Variants in ADAMTS17 observed in about 807,000 individuals in gnomAD.
The protein encoded by ADAMTS17 is ADAM metallopeptidase with thrombospondin type 1 motif 17, also known as A disintegrin and metalloproteinase with thrombospondin motifs 17.
Under a neutral mutation model 141.5 loss-of-function variants are expected in ADAMTS17, and 113 were observed. The ratio of observed to expected loss-of-function variants is 0.80; its 90% CI spans 0.69 to 0.93. The LOEUF is 0.93. ADAMTS17 is among the 40% of genes least tolerant of loss of function. The pLI is 0.00. For missense variants in ADAMTS17, 1,659 were observed against 1,517.9 expected (o/e 1.09, Z -1.54); for synonymous variants, 768 against 630.6 (o/e 1.22, Z -3.27).
intron 4 of ADAMTS17, among the ~76,000 whole-genome samples, chr15:100,270,316 C>A (rs537745106): frequency 6.6e-6 from 1 of 152,194 alleles, no homozygotes; most frequent in Non-Finnish European, 1.5e-5. Flanking sequence ...CTTGTACCAC[C>A]CTCGGTAAAA....
chr15:100,125,732 G>C (rs116156911), intron 12 of ADAMTS17, among the ~76,000 whole-genome samples: 1,689 of 152,236 alleles, frequency 0.011, 33 homozygotes, highest in African/African-American at 0.039. Flanking sequence ...AGGAAAGGAC[G>C]GGCCTAGGGA....
chr15:100,112,759 G>T (rs967400739), intron 13 of ADAMTS17, among the ~76,000 whole-genome samples: 1 of 152,192 alleles, frequency 6.6e-6, no homozygotes, highest in African/African-American at 2.4e-5. Context: ...AAAGCCTGGG[G>T]CCGGTCTGGC....
chr15:100,306,131 C>T (rs2045216325), intron 3 of ADAMTS17: 2 of 243,922 alleles, frequency 8.2e-6, no homozygotes, highest in East Asian at 9.9e-5. Context: ...GATCCCTCTG[C>T]ACAGTAGCCC....
chr15:100,090,763 T>TAA (rs2035407354), intron 15 of ADAMTS17, among the ~76,000 whole-genome samples: 1 of 152,004 alleles, frequency 6.6e-6, no homozygotes, highest in Non-Finnish European at 1.5e-5. Flanking sequence ...ATTCCAGCAC[T>TAA]TTGGGAGGCT....
chr15:100,007,591 T>C (rs879350418), intron 18 of ADAMTS17, among the ~76,000 whole-genome samples: 2 of 151,892 alleles, frequency 1.3e-5, no homozygotes, highest in South Asian at 4.2e-4. Flanking sequence ...GTCTTTGGTA[T>C]GTGGGGTCAA....
intron 12 of ADAMTS17, among the ~76,000 whole-genome samples, chr15:100,118,753 TG>T (rs1204179441): frequency 6.6e-6 from 1 of 152,080 alleles, no homozygotes; most frequent in East Asian, 1.9e-4. Flanking sequence ...AAAAGCCACA[TG>T]GATCAGTAGG....
At chr15:100,093,573 C>A (rs2035592339) in intron 15 of ADAMTS17, among the ~76,000 whole-genome samples, 1 of 152,122 alleles carries the variant, frequency 6.6e-6, no homozygotes, top group African/African-American at 2.4e-5. Context: ...CATGCTGGGT[C>A]TCGCAAGGAT....
At position 100,148,554 on chromosome 15, in the gene ADAMTS17, G is replaced by C. The variant is rs549077908; in HGVS notation, c.1473+4058C>G. Among the ~76,000 whole-genome samples the C allele has an allele frequency of 2.0e-5, 3 of 151,166 alleles. No homozygotes were observed. The South Asian group carries it at 6.3e-4, about 32-fold the overall frequency. On this transcript the variant is annotated intron_variant, in intron 10 of 21. Coordinates refer to ENST00000268070, the MANE Select transcript of ADAMTS17 (RefSeq NM_139057.4). ...TTTTAGTACTTTACAATGTTTCTCT[G>C]TTGTCCTTTCACTTACACTGCTTCT...
intron 12 of ADAMTS17, among the ~76,000 whole-genome samples, chr15:100,127,027 C>G (rs2037771948): frequency 1.3e-5 from 2 of 152,164 alleles, no homozygotes; most frequent in Admixed American, 1.3e-4. Context: ...GACATTTACA[C>G]TAACACCCAA....
chr15:100,161,087 G>A (rs949756096), intron 8 of ADAMTS17, among the ~76,000 whole-genome samples: 4 of 152,148 alleles, frequency 2.6e-5, no homozygotes, highest in Admixed American at 1.3e-4. Flanking sequence ...TGTGTCTCAC[G>A]TGGCCCAGCT....
intron 15 of ADAMTS17, among the ~76,000 whole-genome samples, chr15:100,079,480 T>C (rs1013393565): frequency 2.0e-5 from 3 of 152,196 alleles, no homozygotes; most frequent in African/African-American, 7.2e-5. Flanking sequence ...TTACATGAAA[T>C]GTCCAGATAG....
chr15:100,297,144 G>A (rs899117652), intron 3 of ADAMTS17, among the ~76,000 whole-genome samples: 4 of 152,256 alleles, frequency 2.6e-5, no homozygotes, highest in African/African-American at 9.6e-5. Flanking sequence ...GCTAGGAGGA[G>A]TCCAGAGAGT....
chr15:100,132,980 G>A (rs1231546094), intron 11 of ADAMTS17, among the ~76,000 whole-genome samples: 1 of 152,232 alleles, frequency 6.6e-6, no homozygotes, highest in Non-Finnish European at 1.5e-5. Context: ...CATGATGAAA[G>A]GAGTTAATCT....
At chr15:100,072,958 C>G (rs557441923) in intron 15 of ADAMTS17, among the ~76,000 whole-genome samples, 42 of 152,286 alleles carry the variant, frequency 2.8e-4, no homozygotes, top group African/African-American at 1.0e-3. Context: ...GCAAAAGAAA[C>G]TACCATCAGA....
chr15:100,060,791 G>C (rs983921774), intron 15 of ADAMTS17, among the ~76,000 whole-genome samples: 2 of 152,234 alleles, frequency 1.3e-5, no homozygotes, highest in African/African-American at 4.8e-5. Context: ...CAGCCAGCGT[G>C]GGCTGAAGGT....
chr15:100,227,334 C>CATCATGCAGGAA (rs1555488201), intron 7 of ADAMTS17, among the ~76,000 whole-genome samples: 3 of 152,060 alleles, frequency 2.0e-5, no homozygotes, highest in Non-Finnish European at 4.4e-5. Context: ...CTTTCCCACC[C>CATCATGCAGGAA]ACATCAGAAA....
intron 12 of ADAMTS17, 37 bp downstream of exon 12, chr15:100,131,970 C>T (rs776521046): frequency 1.2e-5 from 20 of 1,613,834 alleles, no homozygotes; most frequent in East Asian, 4.5e-5. Flanking sequence ...AAACTCCAAT[C>T]GTGGCACGTT....
chr15:100,070,438 C>T (rs1222015543), intron 15 of ADAMTS17, among the ~76,000 whole-genome samples: 1 of 150,318 alleles, frequency 6.7e-6, no homozygotes, highest in Non-Finnish European at 1.5e-5. Flanking sequence ...ACAGAATATA[C>T]ATTCTTCTCA....
At chr15:100,260,196 C>A (rs1386836259) in intron 6 of ADAMTS17, among the ~76,000 whole-genome samples, 1 of 152,184 alleles carries the variant, frequency 6.6e-6, no homozygotes, top group Non-Finnish European at 1.5e-5. Context: ...GTGTCTGGGG[C>A]TGGGGTCACA....
Sources: gnomAD v4.1 joint callset for allele counts (sites outside exome capture counted in the v4.1 genomes callset) on GRCh38, gnomAD v4.1.1 for gene constraint, MANE v1.5 for transcripts, NCBI Gene and HGNC (gene_info 2026-07-23, HGNC 2026-07-21) for gene names.